The following TMEM114 variants were observed in gnomAD, a reference collection of about 807,000 sequenced individuals.
TMEM114 encodes the protein claudin-26.
In TMEM114, 6 loss-of-function variants were observed where a neutral mutation model predicts 6.2. That is an observed-to-expected ratio of 0.97 (90% CI 0.53 to 1.91). The LOEUF (loss-of-function observed/expected upper bound fraction) is 1.91. Ranked by LOEUF, TMEM114 falls within the 40% of genes most tolerant of loss-of-function variation. The probability of loss-of-function intolerance (pLI) is 0.01; values close to 1 mark genes in which losing one functional copy is unlikely to be tolerated. For missense variants in TMEM114, 218 were observed against 158.3 expected (o/e 1.38, Z -2.02); for synonymous variants, 104 against 73.0 (o/e 1.42, Z -2.16).
At chr16:8,548,059 T>C (rs1900727278) in intron 2 of TMEM114, among the ~76,000 whole-genome samples, 3 of 152,106 alleles carry the variant, frequency 2.0e-5, no homozygotes, top group Non-Finnish European at 4.4e-5. Context: ...AAAGGGAAAG[T>C]GCAAGTTTCA....
intron 2 of TMEM114, among the ~76,000 whole-genome samples, chr16:8,540,141 T>C (rs1353033362): frequency 6.6e-6 from 1 of 152,188 alleles, no homozygotes; most frequent in Non-Finnish European, 1.5e-5. Context: ...TGGTATTTAA[T>C]AATAAGAATG....
At chr16:8,562,532 GTGAGTGAGTGAATGAGTGAGTGCGTCAA>G (rs1177572413) in intron 2 of TMEM114, among the ~76,000 whole-genome samples, 4 of 147,036 alleles carry the variant, frequency 2.7e-5, no homozygotes, top group Admixed American at 6.8e-5. Flanking sequence ...GAGTTAATGA[GTGAGTGAGTGAATGAGTGAGTGCGTCAA>G]TGAGTGAGTG....
chr16:8,576,672 G>C (rs1449089705), intron 2 of TMEM114, among the ~76,000 whole-genome samples: 2 of 151,464 alleles, frequency 1.3e-5, no homozygotes, highest in Admixed American at 1.3e-4. Context: ...CATGCTCCCT[G>C]TGCAATGGAT....
At chr16:8,580,984 G>A (rs1902129388) in intron 2 of TMEM114, among the ~76,000 whole-genome samples, 1 of 152,124 alleles carries the variant, frequency 6.6e-6, no homozygotes, top group Non-Finnish European at 1.5e-5. Context: ...GAGCCACCAT[G>A]CCCAGCCTTT....
chr16:8,538,689 G>T (rs1289479061), intron 2 of TMEM114, among the ~76,000 whole-genome samples: 1 of 152,044 alleles, frequency 6.6e-6, no homozygotes, highest in Non-Finnish European at 1.5e-5. Flanking sequence ...TGTATTTTTA[G>T]TAGAGATGGG....
chr16:8,567,603 G>A (rs1901586819), downstream of TMEM114, among the ~76,000 whole-genome samples: 1 of 152,170 alleles, frequency 6.6e-6, no homozygotes, highest in Non-Finnish European at 1.5e-5. Flanking sequence ...CACTGGAGCT[G>A]CCGGTAATAC....
chr16:8,569,767 C>G lies in TMEM114; in HGVS notation c.*6G>C. On this transcript the variant is annotated 3_prime_UTR_variant, in exon 4 of 4. Coordinates refer to ENST00000620492, the MANE Select transcript of TMEM114 (RefSeq NM_001146336.2). ...CTCCCTCCCCTCCACGACCCAGCGC[C>G]CAGGCTCATATGGCCTGGTCCTGCC... 2 of 1,547,748 alleles carry G rather than the reference C, an allele frequency of 1.3e-6. No homozygotes were observed. Among genetic ancestry groups the G allele is most frequent in the Non-Finnish European group, 1.7e-6 (2 of 1,144,930 alleles).
the TMEM114 span, among the ~76,000 whole-genome samples, chr16:8,529,864 C>T: frequency 8.5e-4 from 129 of 152,216 alleles, 2 homozygotes; most frequent in Non-Finnish European, 1.6e-3. Flanking sequence ...CCAAGGTTGA[C>T]CACCACTAAG....
the TMEM114 span, among the ~76,000 whole-genome samples, chr16:8,529,705 C>T: frequency 6.6e-6 from 1 of 150,844 alleles, no homozygotes; most frequent in African/African-American, 2.4e-5. Context: ...CCTAGCTGGA[C>T]ACTGGAATTC....
At chr16:8,564,673 ATGAGTGAATGAG>A (rs201257626), downstream of TMEM114, among the ~76,000 whole-genome samples, 54,620 of 83,344 alleles carry the variant, frequency 0.66, 17,772 homozygotes, top group East Asian at 0.77. Context: ...GAGGGAGGGA[ATGAGTGAATGAG>A]TGAGTGAATG....
intron 2 of TMEM114, among the ~76,000 whole-genome samples, chr16:8,576,645 GA>G (rs1199956961): frequency 6.6e-6 from 1 of 151,922 alleles, no homozygotes; most frequent in Non-Finnish European, 1.5e-5. Flanking sequence ...TTGCAACACA[GA>G]ACCTAGAATG....
intron 2 of TMEM114, among the ~76,000 whole-genome samples, chr16:8,560,039 C>G (rs965951102): frequency 1.8e-4 from 27 of 152,284 alleles, no homozygotes; most frequent in Middle Eastern, 3.4e-3. Context: ...CTCTGTTACC[C>G]AGGCTGGAGT....
intron 2 of TMEM114, among the ~76,000 whole-genome samples, chr16:8,580,239 C>CA (rs1441358051): frequency 6.6e-6 from 1 of 152,136 alleles, no homozygotes; most frequent in Non-Finnish European, 1.5e-5. Context: ...GTAATCCCAG[C>CA]ACTTAGGGAG....
chr16:8,532,890 C>A (rs1020260601), downstream of TMEM114, among the ~76,000 whole-genome samples: 2 of 152,114 alleles, frequency 1.3e-5, no homozygotes, highest in South Asian at 4.2e-4. Flanking sequence ...CGCCACTGCA[C>A]TCCAGCCTGG....
intron 2 of TMEM114, among the ~76,000 whole-genome samples, chr16:8,549,451 G>A (rs963706860): frequency 5.7e-5 from 8 of 139,172 alleles, no homozygotes; most frequent in South Asian, 2.2e-4. Flanking sequence ...AGTGAGCCAC[G>A]ATTGAGCCAC....
chr16:8,529,087 C>A, the TMEM114 span, among the ~76,000 whole-genome samples: 1 of 152,140 alleles, frequency 6.6e-6, no homozygotes, highest in Non-Finnish European at 1.5e-5. Flanking sequence ...GAGAGGACAG[C>A]AAAATCCTCA....
intron 3 of TMEM114, among the ~76,000 whole-genome samples, chr16:8,571,859 G>T (rs1901745443): frequency 6.6e-6 from 1 of 152,274 alleles, no homozygotes; most frequent in East Asian, 1.9e-4. Flanking sequence ...GTGAAGTAAT[G>T]AAAAGGATTC....
At chr16:8,570,784 C>A (rs1054360876) in intron 3 of TMEM114, among the ~76,000 whole-genome samples, 1 of 152,096 alleles carries the variant, frequency 6.6e-6, no homozygotes, top group Non-Finnish European at 1.5e-5. Flanking sequence ...TGGTCCAGTA[C>A]GATAGCCACT....
intron 2 of TMEM114, among the ~76,000 whole-genome samples, chr16:8,539,455 G>A (rs1260437452): frequency 6.6e-6 from 1 of 152,136 alleles, no homozygotes; most frequent in Non-Finnish European, 1.5e-5. Context: ...AGACCCAGAG[G>A]AGGGCTCTGC....
Sources: gnomAD v4.1 joint callset for allele counts (sites outside exome capture counted in the v4.1 genomes callset) on GRCh38, gnomAD v4.1.1 for gene constraint, MANE v1.5 for transcripts, NCBI Gene and HGNC (gene_info 2026-07-23, HGNC 2026-07-21) for gene names.